Variants in HDAC9 observed in about 807,000 individuals in gnomAD.
The protein encoded by HDAC9 is MEF-2 interacting transcription repressor (MITR) protein.
In HDAC9, 41 loss-of-function variants were observed where a neutral mutation model predicts 139.4. The observed-to-expected ratio is 0.29, with a 90% CI of 0.23 to 0.38. The LOEUF (loss-of-function observed/expected upper bound fraction) is 0.38. Among genes scored for constraint, HDAC9 ranks in the 10% least tolerant of loss-of-function variants. The pLI is 1.00. For missense variants in HDAC9, 1,147 were observed against 1,297.0 expected (o/e 0.88, Z 1.78); for synonymous variants, 517 against 476.2 (o/e 1.09, Z -1.12).
rs185254775 is a variant in HDAC9 at position 18,618,377 on chromosome 7, A to G, written c.665-10973A>G. On this transcript the variant is annotated intron_variant, in intron 6 of 25. Transcript: ENST00000686413. ...TTAGGAGGGTAACAAGATGAGGTTC[A>G]TGCTGAGAGAACCAATAAGTACAAT... Among the ~76,000 whole-genome samples, 16 of 152,246 alleles carry G rather than the reference A, an allele frequency of 1.1e-4. 1 individual carries two copies. In the East Asian group the frequency reaches 3.1e-3, roughly 29 times the overall value.
At chr7:18,886,287 C>G (rs1800145179) in intron 22 of HDAC9, among the ~76,000 whole-genome samples, 1 of 152,122 alleles carries the variant, frequency 6.6e-6, no homozygotes, top group African/African-American at 2.4e-5. Context: ...TGAAACAATC[C>G]TTAGGCTAGG....
intron 1 of HDAC9, among the ~76,000 whole-genome samples, chr7:18,303,854 C>A (rs569399793): frequency 1.4e-4 from 21 of 151,192 alleles, no homozygotes; most frequent in African/African-American, 5.1e-4. Context: ...TGGTTTTGGT[C>A]CAGTGTCAAC....
At chr7:18,140,705 A>G (rs569988997) in intron 1 of HDAC9, among the ~76,000 whole-genome samples, 22 of 152,278 alleles carry the variant, frequency 1.4e-4, no homozygotes, top group Non-Finnish European at 1.5e-5. Context: ...TCCTTTCATT[A>G]TCAAGGATTT....
At chr7:18,634,124 G>T (rs1783159278) in intron 7 of HDAC9, among the ~76,000 whole-genome samples, 2 of 151,992 alleles carry the variant, frequency 1.3e-5, no homozygotes, top group African/African-American at 4.8e-5. Context: ...ACTTGAACTA[G>T]TATATGCAAT....
intron 1 of HDAC9, among the ~76,000 whole-genome samples, chr7:18,350,626 G>C (rs952320312): frequency 6.6e-6 from 1 of 152,118 alleles, no homozygotes; most frequent in African/African-American, 2.4e-5. Context: ...CTATGACGGG[G>C]TTTCTAAGTC....
intron 22 of HDAC9, among the ~76,000 whole-genome samples, chr7:18,910,919 T>C (rs1418599730): frequency 6.6e-6 from 1 of 151,914 alleles, no homozygotes; most frequent in Non-Finnish European, 1.5e-5. Flanking sequence ...CTTATTTTGT[T>C]TTGTCCTTAT....
chr7:18,854,862 A>G (rs1295461351), intron 21 of HDAC9, among the ~76,000 whole-genome samples: 1 of 152,172 alleles, frequency 6.6e-6, no homozygotes, highest in African/African-American at 2.4e-5. Flanking sequence ...ACGTTATAGC[A>G]TTAATGGTCT....
At chr7:18,228,307 T>A (rs76175032) in intron 2 of HDAC9, among the ~76,000 whole-genome samples, 3 of 151,744 alleles carry the variant, frequency 2.0e-5, no homozygotes, top group East Asian at 1.9e-4. Flanking sequence ...TTTTTTTTTT[T>A]AATAAAGCAG....
chr7:18,643,224 T>C (rs1161601163), intron 8 of HDAC9, among the ~76,000 whole-genome samples: 1 of 152,162 alleles, frequency 6.6e-6, no homozygotes, highest in Non-Finnish European at 1.5e-5. Flanking sequence ...CTCTGTCTGA[T>C]AGCTCATAAA....
intron 1 of HDAC9, among the ~76,000 whole-genome samples, chr7:18,158,803 T>C (rs1426095983): frequency 1.3e-5 from 2 of 152,216 alleles, no homozygotes; most frequent in Non-Finnish European, 2.9e-5. Context: ...TTAAGGACAG[T>C]AATAGGCTGG....
chr7:18,975,980 C>T, intron 25 of HDAC9, 27 bp downstream of exon 25: 2 of 1,607,760 alleles, frequency 1.2e-6, no homozygotes, highest in Non-Finnish European at 1.7e-6. Flanking sequence ...CGGGAATAAT[C>T]CGGGTCAGTC....
chr7:18,539,655 C>T (rs1812084207), intron 2 of HDAC9, among the ~76,000 whole-genome samples: 2 of 151,786 alleles, frequency 1.3e-5, no homozygotes, highest in Admixed American at 6.6e-5. Flanking sequence ...TGAAATTATT[C>T]CAAACAAAAA....
At chr7:18,819,264 A>G (rs1389715929) in intron 17 of HDAC9, among the ~76,000 whole-genome samples, 3 of 152,216 alleles carry the variant, frequency 2.0e-5, no homozygotes, top group African/African-American at 7.2e-5. Flanking sequence ...TGGGTGACAG[A>G]GCGAGACTCC....
intron 2 of HDAC9, among the ~76,000 whole-genome samples, chr7:18,537,793 T>C (rs1344410232): frequency 6.6e-6 from 1 of 152,244 alleles, no homozygotes; most frequent in Non-Finnish European, 1.5e-5. Flanking sequence ...AGCTAATGTC[T>C]GAGTATCTAC....
intron 25 of HDAC9, among the ~76,000 whole-genome samples, chr7:18,985,001 G>A (rs1205944939): frequency 1.3e-5 from 2 of 152,106 alleles, no homozygotes; most frequent in Non-Finnish European, 2.9e-5. Context: ...ACATTTAGGT[G>A]TAGAATTGTT....
chr7:18,138,588 G>T (rs562237005), intron 1 of HDAC9, among the ~76,000 whole-genome samples: 1 of 146,308 alleles, frequency 6.8e-6, no homozygotes, highest in African/African-American at 2.7e-5. Flanking sequence ...AGTTATTTGG[G>T]TTTTGGCTCA....
chr7:18,776,474 A>G (rs561255075), intron 16 of HDAC9, among the ~76,000 whole-genome samples: 4 of 152,118 alleles, frequency 2.6e-5, no homozygotes, highest in African/African-American at 9.7e-5. Context: ...TGCCTATTGT[A>G]TGCCTGGAAC....
intron 17 of HDAC9, among the ~76,000 whole-genome samples, chr7:18,797,533 T>A (rs772214645): frequency 3.9e-5 from 6 of 152,106 alleles, no homozygotes; most frequent in Non-Finnish European, 8.8e-5. Flanking sequence ...TCTATTATAT[T>A]TTTTTAAATT....
rs532689102 is a variant in HDAC9 at position 18,508,589 on chromosome 7, C to T, written c.22+12265C>T. Among the ~76,000 whole-genome samples, 11 of 148,174 alleles carry T rather than the reference C, an allele frequency of 7.4e-5. No individual in the cohort carries two copies. The South Asian group carries it at 2.4e-3, about 33-fold the overall frequency. On this transcript the variant is annotated intron_variant, in intron 2 of 25. Transcript: ENST00000686413. ...GTTCCCTTTCCTTGTTCCTAAGGTT[C>T]ACCCTTGTCCCTCATCTCACCTGCC...
Sources: allele counts gnomAD v4.1 joint callset (sites outside exome capture counted in the v4.1 genomes callset), GRCh38; gene constraint gnomAD v4.1.1; transcripts MANE v1.5; gene names NCBI Gene and HGNC (gene_info 2026-07-23, HGNC 2026-07-21).